The following NUCB1 variants were observed in gnomAD, a reference collection of about 807,000 sequenced individuals.
The protein encoded by NUCB1 is nucleobindin-1.
A neutral mutation model predicts 61.2 loss-of-function variants in NUCB1; 47 were observed. The ratio of observed to expected loss-of-function variants is 0.77; its 90% confidence interval spans 0.61 to 0.98. NUCB1 has a LOEUF of 0.98. Ranked by LOEUF, NUCB1 falls within the 50% of genes least tolerant of loss-of-function variation. The pLI, the probability that NUCB1 is intolerant of heterozygous loss-of-function variation, is 0.00. For missense variants in NUCB1, 583 were observed against 605.3 expected (o/e 0.96, Z 0.39); for synonymous variants, 234 against 243.1 (o/e 0.96, Z 0.35).
chr19:48,919,854 C>T (rs1234574029), intron 10 of NUCB1, among the ~76,000 whole-genome samples: 3 of 150,154 alleles, frequency 2.0e-5, no homozygotes, highest in Non-Finnish European at 1.5e-5. Flanking sequence ...CTGCAACCTC[C>T]GCCTCTTGGA....
In NUCB1 at chr19:48,919,521, A is replaced by G. The variant is rs969213351; in HGVS notation, c.1002+235A>G. 2.6e-5 allele frequency among the ~76,000 whole-genome samples: 4 copies of G among 151,524 alleles called. 1 individual carries two copies. The East Asian group carries it at 7.8e-4, about 29-fold the overall frequency. On this transcript the variant is annotated intron_variant, in intron 10 of 12. Coordinates refer to ENST00000405315, the MANE Select transcript of NUCB1 (RefSeq NM_006184.6). ...GAGACGGAGTCTCACTCCATCGCCCAGGCTGCAGTGCAGTGGCACGATCTC... is the reference window on the plus strand; with the variant it reads ...GAGACGGAGTCTCACTCCATCGCCCGGGCTGCAGTGCAGTGGCACGATCTC...
chr19:48,913,691 C>T lies in NUCB1; in HGVS notation c.757+127C>T, dbSNP rs2037505920. 3 of 713,016 alleles carry T rather than the reference C, an allele frequency of 4.2e-6. No individual in the cohort carries two copies. In the African/African-American group the frequency reaches 5.2e-5, roughly 12 times the overall value. The allele number at this position is 713,016 out of a possible 1,614,324, so 44.2% of individuals were successfully genotyped here. On this transcript the variant is annotated intron_variant, in intron 7 of 12. Transcript: ENST00000405315. ...TCAGGCCCAAGAGCCAAGCCTATGTCCCCTGGTTGACCAGACAGCCCTGCC... is the reference window on the plus strand; with the variant it reads ...TCAGGCCCAAGAGCCAAGCCTATGTTCCCTGGTTGACCAGACAGCCCTGCC...
chr19:48,900,731 G>A (rs549257163), intron 1 of NUCB1, 55 bp from the exon 2 acceptor site: 6 of 1,570,472 alleles, frequency 3.8e-6, no homozygotes, highest in Middle Eastern at 1.7e-4. Flanking sequence ...GGTTCCAGGG[G>A]AGGAAGAGGC....
chr19:48,906,998 A>G (rs926404874), intron 4 of NUCB1, among the ~76,000 whole-genome samples: 12 of 149,020 alleles, frequency 8.1e-5, no homozygotes, highest in Admixed American at 6.7e-4. Context: ...TTTTTGAGAC[A>G]GAGTCTCGCT....
Position 48,900,912 on chromosome 19 carries a change from C to G in NUCB1, c.116C>G (p.Thr39Ser), listed in dbSNP as rs1009507032. ...LERGAPNKEE[T>S]PATESPDTGL... ...CGAGGGGCGCCCAACAAGGAGGAGA[C>G]CCCTGCGACTGAGAGTCCCGTGAGT... Residue 39 changes from threonine (T) to serine (S), a missense_variant, in exon 2 of 13, where the codon ACC becomes AGC. Physicochemically the swap from Thr to Ser is moderately conservative, Grantham distance 58. Transcript: ENST00000405315. 1 of 1,613,828 alleles carries G rather than the reference C, an allele frequency of 6.2e-7. No homozygotes were observed. The highest frequency in any genetic ancestry group is 1.7e-5 in the Admixed American group (1 of 60,008).
intron 5 of NUCB1, among the ~76,000 whole-genome samples, chr19:48,911,993 C>A (rs572425543): frequency 3.2e-4 from 47 of 148,338 alleles, no homozygotes; most frequent in Admixed American, 1.8e-3. Context: ...TTAGAAACCT[C>A]TTGTTCTTTT....
chr19:48,903,483 TGGGC>T (rs2037375092), intron 2 of NUCB1, among the ~76,000 whole-genome samples: 2 of 97,072 alleles, frequency 2.1e-5, no homozygotes, highest in African/African-American at 4.1e-5. Context: ...GGTGGATGGA[TGGGC>T]GGGTGGATGG....
Position 48,900,886 on chromosome 19 carries a change from G to T in NUCB1, c.90G>T (p.Glu30Asp). 1 of 1,613,920 alleles carries T rather than the reference G, an allele frequency of 6.2e-7. No homozygotes were observed. Among genetic ancestry groups the T allele is most frequent in the Non-Finnish European group, 8.5e-7 (1 of 1,180,030 alleles). The change falls in exon 2 of 13, where the codon GAG becomes GAT. Residue 30 changes from glutamate (E) to aspartate (D), a missense_variant. Physicochemically the swap from Glu to Asp is conservative, Grantham distance 45 (BLOSUM62 2). Transcript: ENST00000405315. ...GCGCCGTGCTGGCTGTCCCCCTGGA[G>T]CGAGGGGCGCCCAACAAGGAGGAGA... ...LLRAVLAVPL[E>D]RGAPNKEETP...
rs190239015 is a variant in NUCB1 at position 48,902,346 on chromosome 19, T to A, written c.135+1415T>A. ...GGATGGTCTCGATCTCTTGACCTCT[T>A]GATCTGCCTGCCTCGGCCTCCCAAA... is the stretch of plus-strand genomic sequence containing the variant. On this transcript the variant is annotated intron_variant, in intron 2 of 12. Coordinates refer to ENST00000405315, the MANE Select transcript of NUCB1 (RefSeq NM_006184.6). Among the ~76,000 whole-genome samples, 309 of 152,172 alleles carry A rather than the reference T, an allele frequency of 2.0e-3. 1 individual carries two copies. The highest frequency in any genetic ancestry group is 6.7e-3 in the African/African-American group (280 of 41,536).
intron 5 of NUCB1, among the ~76,000 whole-genome samples, chr19:48,911,904 G>A (rs993494163): frequency 1.3e-5 from 2 of 152,046 alleles, no homozygotes; most frequent in Non-Finnish European, 2.9e-5. Flanking sequence ...CAAAGAGGCT[G>A]AGTAACTTGC....
Position 48,921,198 on chromosome 19 carries a change from C to T in NUCB1, c.1047C>T (p.Arg349=), listed in dbSNP as rs530197601. The T allele has an allele frequency of 8.7e-6, 14 of 1,613,328 alleles. No individual in the cohort carries two copies. Among genetic ancestry groups the T allele is most frequent in the Non-Finnish European group, 1.2e-5 (14 of 1,179,892 alleles). Residue 349 remains arginine (R), a synonymous_variant, in exon 11 of 13, where the codon CGC becomes CGT. Transcript: ENST00000405315. ...HPAYTEEELR[R]FEEELAAREA... ...CCTACACCGAGGAAGAGCTGAGGCG[C>T]TTTGAAGAGGAGCTGGCTGCCCGGG...
At chr19:48,922,227 GGGTGTGAGGGAGGA>G (rs1293558352) in intron 12 of NUCB1, 77 bp from the exon 13 acceptor site, 1 of 1,067,914 alleles carries the variant, frequency 9.4e-7, no homozygotes, top group African/African-American at 1.6e-5. Context: ...CTGGACCCCT[GGGTGTGAGGGAGGA>G]GGGGCTGGGC....
intron 7 of NUCB1, among the ~76,000 whole-genome samples, chr19:48,914,694 C>T (rs965762513): frequency 6.6e-6 from 1 of 152,104 alleles, no homozygotes; most frequent in Admixed American, 6.6e-5. Context: ...TGTCTGTAAT[C>T]CCAGCACTTT....
rs749746674 is a variant in NUCB1 at position 48,921,839 on chromosome 19, A to G, written c.1186A>G (p.Met396Val). The G allele has an allele frequency of 6.2e-7, 1 of 1,612,342 alleles. No homozygotes were observed. The highest frequency in any genetic ancestry group is 8.5e-7 in the Non-Finnish European group (1 of 1,179,958). The change falls in exon 12 of 13, where the codon ATG becomes GTG. Residue 396 changes from methionine (M) to valine (V), a missense_variant. By Grantham distance (21) the Met-to-Val change is conservative. Transcript: ENST00000405315. ...KRELQQAVLH[M>V]EQRKQQQQQQ... ...CCACCTCCCACAGGCTGTGCTGCACATGGAGCAGCGGAAGCAGCAGCAGCA... is the reference window on the plus strand; with the variant it reads ...CCACCTCCCACAGGCTGTGCTGCACGTGGAGCAGCGGAAGCAGCAGCAGCA...
chr19:48,913,276 A>G, intron 6 of NUCB1, 80 bp downstream of exon 6: 1 of 1,420,840 alleles, frequency 7.0e-7, no homozygotes, highest in Non-Finnish European at 9.4e-7. Context: ...AAAGAACTAC[A>G]ATTCCCAGGG....
chr19:48,905,941 CA>C, intron 4 of NUCB1, 56 bp downstream of exon 4: 1 of 1,162,624 alleles, frequency 8.6e-7, no homozygotes, highest in Admixed American at 2.8e-5. Context: ...AGGGTGGCCT[CA>C]CTCCCGGCCT....
intron 2 of NUCB1, among the ~76,000 whole-genome samples, chr19:48,903,838 GTGGA>G (rs1252081155): frequency 1.4e-4 from 18 of 124,972 alleles, no homozygotes; most frequent in Admixed American, 4.1e-4. Context: ...AGGTGGATGA[GTGGA>G]TGGATGGATG....
rs1406297910 is a variant in NUCB1 at position 48,923,013 on chromosome 19, C to T, written c.*589C>T. On this transcript the variant is annotated 3_prime_UTR_variant, in exon 13 of 13. Coordinates refer to ENST00000405315, the MANE Select transcript of NUCB1 (RefSeq NM_006184.6). ...ACCCTGATACCAGGAGCCTGGGCCT[C>T]CCTGAACCCCTGGCTTCCAGCCATC... 4 of 153,192 alleles carry T rather than the reference C, an allele frequency of 2.6e-5. No individual in the cohort carries two copies. Among genetic ancestry groups the T allele is most frequent in the Non-Finnish European group, 5.8e-5 (4 of 68,854 alleles). The allele number at this position is 153,192 out of a possible 1,614,324, so 9.5% of individuals were successfully genotyped here.
intron 1 of NUCB1, 153 bp from the exon 2 acceptor site, chr19:48,900,633 C>T: frequency 9.7e-7 from 1 of 1,032,812 alleles, no homozygotes; most frequent in South Asian, 1.6e-5. Flanking sequence ...AAGGGAAGGC[C>T]GGAGGCCTGG....
Sources: allele counts gnomAD v4.1 joint callset (sites outside exome capture counted in the v4.1 genomes callset), GRCh38; gene constraint gnomAD v4.1.1; transcripts MANE v1.5; gene names NCBI Gene and HGNC (gene_info 2026-07-23, HGNC 2026-07-21).